The following PIGK variants were observed in gnomAD, a reference collection of about 807,000 sequenced individuals.
The protein encoded by PIGK is phosphatidylinositol glycan anchor biosynthesis class K.
Under a neutral mutation model 50.6 loss-of-function variants are expected in PIGK, and 42 were observed. That is an observed-to-expected ratio of 0.83 (90% CI 0.65 to 1.07). PIGK has a LOEUF of 1.07. Ranked by LOEUF, PIGK falls within the 50% of genes least tolerant of loss-of-function variation. The pLI is 0.00. For synonymous variants in PIGK, 151 were observed against 156.0 expected, an observed-to-expected ratio of 0.97 and a Z score of 0.24; for missense variants, 448 against 488.7, an observed-to-expected ratio of 0.92 and a Z score of 0.78.
intron 10 of PIGK, among the ~76,000 whole-genome samples, chr1:77,104,439 T>C (rs1343231560): frequency 1.3e-5 from 2 of 151,448 alleles, no homozygotes; most frequent in Admixed American, 1.3e-4. Context: ...AAATAAAAAA[T>C]ACATTGGATG....
At position 77,092,564 on chromosome 1, in the gene PIGK, G is replaced by T. The variant is rs1022858842; in HGVS notation, c.1072-74C>A. The T allele has an allele frequency of 8.4e-6, 7 of 829,438 alleles. No individual in the cohort carries two copies. In the African/African-American group the frequency reaches 1.2e-4, roughly 15 times the overall value. The allele number at this position is 829,438 out of a possible 1,614,324, so 51.4% of individuals were successfully genotyped here. On this transcript the variant is annotated intron_variant, in intron 10 of 10. Coordinates refer to ENST00000370812, the MANE Select transcript of PIGK (RefSeq NM_005482.3). ...AGCAATCAATAAAGCAAACATTGAT[G>T]AAAAAGATAAATTTCACTGGTTGTG...
At chr1:77,190,041 C>T (rs1288217260) in intron 3 of PIGK, among the ~76,000 whole-genome samples, 1 of 151,836 alleles carries the variant, frequency 6.6e-6, no homozygotes, top group East Asian at 1.9e-4. Context: ...CTGACATGAA[C>T]GTCTGCTTTT....
chr1:77,149,438 G>A (rs547223586), intron 9 of PIGK, among the ~76,000 whole-genome samples: 1 of 151,996 alleles, frequency 6.6e-6, no homozygotes, highest in Admixed American at 6.6e-5. Flanking sequence ...CCAAAAAAGA[G>A]CATGAGTAGC....
At chr1:77,099,801 A>G (rs1653501781) in intron 10 of PIGK, among the ~76,000 whole-genome samples, 1 of 152,216 alleles carries the variant, frequency 6.6e-6, no homozygotes, top group African/African-American at 2.4e-5. Flanking sequence ...GCTTCTTAAA[A>G]AAATGACTGA....
At chr1:77,125,949 T>C (rs1374425625) in intron 9 of PIGK, among the ~76,000 whole-genome samples, 2 of 152,160 alleles carry the variant, frequency 1.3e-5, no homozygotes, top group Non-Finnish European at 2.9e-5. Context: ...TTTTGGAATA[T>C]CTATCTTCCC....
intron 3 of PIGK, among the ~76,000 whole-genome samples, chr1:77,185,061 T>C (rs1283940329): frequency 6.6e-6 from 1 of 152,198 alleles, no homozygotes; most frequent in Non-Finnish European, 1.5e-5. Flanking sequence ...ACAGCTGCTG[T>C]TCCCGATGTG....
chr1:77,095,566 A>T (rs958079876), intron 10 of PIGK, among the ~76,000 whole-genome samples: 2 of 152,130 alleles, frequency 1.3e-5, no homozygotes, highest in African/African-American at 2.4e-5. Context: ...CCAGCAAGCA[A>T]TATGACAAAA....
chr1:77,199,294 G>A (rs544579459), intron 3 of PIGK, among the ~76,000 whole-genome samples: 21 of 152,158 alleles, frequency 1.4e-4, no homozygotes, highest in African/African-American at 4.8e-4. Context: ...TGGCAGATCA[G>A]CTGCCAATAT....
intron 9 of PIGK, among the ~76,000 whole-genome samples, chr1:77,133,556 T>C (rs554684679): frequency 2.6e-5 from 4 of 152,290 alleles, no homozygotes; most frequent in African/African-American, 7.2e-5. Flanking sequence ...TTGATGGATG[T>C]AGGAAACTGC....
rs1656303560 is a variant in PIGK at position 77,207,020 on chromosome 1, A to G, written c.148-289T>C. Among the ~76,000 whole-genome samples, 4 of 152,064 alleles carry G rather than the reference A, an allele frequency of 2.6e-5. No individual in the cohort carries two copies. The South Asian group carries it at 8.3e-4, about 32-fold the overall frequency. ...CACCTCTACTAAAAATACAAAAATTACCCAGGTGTGGTGGCGTGCACCTGT... is the reference window on the plus strand; with the variant it reads ...CACCTCTACTAAAAATACAAAAATTGCCCAGGTGTGGTGGCGTGCACCTGT... On this transcript the variant is annotated intron_variant, in intron 2 of 10. Transcript: ENST00000370812.
At chr1:77,111,481 A>G (rs1653842537) in intron 10 of PIGK, among the ~76,000 whole-genome samples, 1 of 152,144 alleles carries the variant, frequency 6.6e-6, no homozygotes, top group South Asian at 2.1e-4. Flanking sequence ...GACGGAAACC[A>G]TCATTCTCAG....
In PIGK at chr1:77,122,368, G is replaced by T; in HGVS notation, c.987-9C>A. ...TCTGGTCTTCCTTATAGCTGGAAAA[G>T]ATAATTTAAAAACACAGAGCTAAGG... On this transcript the variant is annotated splice_polypyrimidine_tract_variant and intron_variant, in intron 9 of 10. Coordinates refer to ENST00000370812, the MANE Select transcript of PIGK (RefSeq NM_005482.3). 1 of 1,534,332 alleles carries T rather than the reference G, an allele frequency of 6.5e-7. No individual in the cohort carries two copies.
intron 1 of PIGK, among the ~76,000 whole-genome samples, chr1:77,212,974 G>C (rs913073168): frequency 5.3e-5 from 8 of 152,118 alleles, no homozygotes; most frequent in Non-Finnish European, 1.0e-4. Flanking sequence ...ACCCAGGCTG[G>C]AGTGCAGTAG....
chr1:77,124,620 C>CAA (rs1553181006), intron 9 of PIGK, among the ~76,000 whole-genome samples: 4 of 146,664 alleles, frequency 2.7e-5, no homozygotes, highest in Middle Eastern at 3.5e-3. Context: ...AAACAAACAA[C>CAA]AAAAAAAAAA....
chr1:77,179,063 G>A (rs1655553490), intron 3 of PIGK, among the ~76,000 whole-genome samples: 2 of 152,262 alleles, frequency 1.3e-5, no homozygotes, highest in South Asian at 4.1e-4. Flanking sequence ...GTGCTAAATG[G>A]GACAATAAAA....
intron 9 of PIGK, among the ~76,000 whole-genome samples, chr1:77,145,593 C>T (rs1246071799): frequency 6.6e-6 from 1 of 151,982 alleles, no homozygotes; most frequent in Non-Finnish European, 1.5e-5. Flanking sequence ...GGACTCAATA[C>T]TGTTAAGCTG....
intron 5 of PIGK, among the ~76,000 whole-genome samples, chr1:77,164,149 C>T (rs1379928064): frequency 1.3e-5 from 2 of 152,110 alleles, no homozygotes. Context: ...GATATAATAT[C>T]TTTAATAGGG....
chr1:77,130,713 T>C (rs550723215), intron 9 of PIGK, among the ~76,000 whole-genome samples: 1 of 152,312 alleles, frequency 6.6e-6, no homozygotes, highest in East Asian at 1.9e-4. Flanking sequence ...CTTCCTTTAC[T>C]AGTCCACATG....
chr1:77,145,650 G>A (rs1654752178), intron 9 of PIGK, among the ~76,000 whole-genome samples: 1 of 151,956 alleles, frequency 6.6e-6, no homozygotes, highest in Non-Finnish European at 1.5e-5. Flanking sequence ...CAAAATCCCA[G>A]TAGGCTTTTA....
Sources: gnomAD v4.1 joint callset for allele counts (sites outside exome capture counted in the v4.1 genomes callset) on GRCh38, gnomAD v4.1.1 for gene constraint, MANE v1.5 for transcripts, NCBI Gene and HGNC (gene_info 2026-07-23, HGNC 2026-07-21) for gene names.